GSDME: variants seen among roughly 807,000 people sequenced by gnomAD.
GSDME encodes gasdermin E.
In GSDME, 44 loss-of-function variants were observed where a neutral mutation model predicts 47.5. The observed-to-expected ratio is 0.93, with a 90% CI of 0.73 to 1.19. The LOEUF is 1.19. Ranked by LOEUF, GSDME falls within the 50% of genes most tolerant of loss-of-function variation. The pLI, the probability that GSDME is intolerant of heterozygous loss-of-function variation, is 0.00. For missense variants in GSDME, 663 were observed against 604.2 expected (o/e 1.10, Z -1.02); for synonymous variants, 258 against 252.8 (o/e 1.02, Z -0.20).
At chr7:24,702,621 A>T in intron 9 of GSDME, 139 bp downstream of exon 9, 1 of 726,034 alleles carries the variant, frequency 1.4e-6, no homozygotes, top group Non-Finnish European at 2.5e-6. Context: ...AAGTGGGGTT[A>T]ATAACAATAC....
At chr7:24,750,182 G>A (rs576858905) in intron 1 of GSDME, among the ~76,000 whole-genome samples, 8 of 152,326 alleles carry the variant, frequency 5.3e-5, no homozygotes, top group African/African-American at 1.7e-4. Context: ...TATCCAACAG[G>A]AAAGAGTTTT....
the GSDME span, among the ~76,000 whole-genome samples, chr7:24,778,031 G>A: frequency 1.3e-5 from 2 of 150,614 alleles, no homozygotes; most frequent in African/African-American, 2.5e-5. This position sits in a 1 kb window ranked among gnomAD's most constrained non-coding sequence, Gnocchi z 5.6. Context: ...CTAAAAGGCC[G>A]GGAATGAAAA....
At chr7:24,766,643 T>C in the GSDME span, among the ~76,000 whole-genome samples, 1 of 152,254 alleles carries the variant, frequency 6.6e-6, no homozygotes, top group African/African-American at 2.4e-5. The surrounding 1 kb of genome is among the most constrained non-coding windows in gnomAD (Gnocchi z 4.2). Context: ...TCACCCTTTT[T>C]TATGGCTACA....
chr7:24,708,326 CTT>C, intron 6 of GSDME, 72 bp from the exon 7 acceptor site: 1 of 1,554,790 alleles, frequency 6.4e-7, no homozygotes, highest in Non-Finnish European at 8.8e-7. Flanking sequence ...GCAACTCCTG[CTT>C]TTTATACCTA....
chr7:24,749,055 C>T lies in GSDME; in HGVS notation c.211+509G>A, dbSNP rs146083546. Among the ~76,000 whole-genome samples, 20 of 152,204 alleles carry T rather than the reference C, an allele frequency of 1.3e-4. No individual in the cohort carries two copies. The East Asian group carries it at 3.9e-3, about 29-fold the overall frequency. The stretch of plus-strand genomic sequence containing the variant: ...CATGTCTTACTTTTATACTATACCG[C>T]AAAATTATTTTTAAAAGGTTAAGCT... On this transcript the variant is annotated intron_variant, in intron 2 of 9. Coordinates refer to ENST00000645220, the MANE Select transcript of GSDME (RefSeq NM_001127453.2).
At chr7:24,792,345 T>C in the GSDME span, among the ~76,000 whole-genome samples, 10 of 152,182 alleles carry the variant, frequency 6.6e-5, no homozygotes, top group East Asian at 1.2e-3. Context: ...AAGCTGTATA[T>C]TGGGGGGCAA....
In GSDME at chr7:24,710,381, G is replaced by A; in HGVS notation, c.705C>T (p.Cys235=). 1.9e-6 allele frequency: 3 copies of A among 1,614,208 alleles called. No homozygotes were observed. The highest frequency in any genetic ancestry group is 1.3e-5 in the African/African-American group (1 of 75,056). The change falls in exon 6 of 10, where the codon TGC becomes TGT. Residue 235 remains cysteine, a synonymous_variant. Transcript: ENST00000645220. The part of the protein sequence containing the change: ...YVKLDGQFEF[C]LLRGKQGGFE... ...AGCCACCTTGCTTCCCTCGGAGAAGGCAGAACTCTGTAGTGCAGGAGAAAA... is the reference window on the plus strand; with the variant it reads ...AGCCACCTTGCTTCCCTCGGAGAAGACAGAACTCTGTAGTGCAGGAGAAAA...
At chr7:24,738,171 G>T (rs1790368364) in intron 3 of GSDME, among the ~76,000 whole-genome samples, 1 of 152,122 alleles carries the variant, frequency 6.6e-6, no homozygotes, top group Non-Finnish European at 1.5e-5. Context: ...AATTGGAAAG[G>T]AAGAAGTCAA....
chr7:24,791,234 TAC>T, the GSDME span, among the ~76,000 whole-genome samples: 2 of 152,224 alleles, frequency 1.3e-5, no homozygotes, highest in Non-Finnish European at 2.9e-5. This position sits in a 1 kb window ranked among gnomAD's most constrained non-coding sequence, Gnocchi z 4.8. Context: ...ATCCTTGATC[TAC>T]ACCTGATCAC....
upstream of GSDME, among the ~76,000 whole-genome samples, chr7:24,758,712 T>C (rs1456773347): frequency 6.6e-6 from 1 of 152,200 alleles, no homozygotes; most frequent in South Asian, 2.1e-4. This position sits in a 1 kb window ranked among gnomAD's most constrained non-coding sequence, Gnocchi z 4.6. Context: ...CTTTCCTGAC[T>C]ATCCAAATTA....
rs1254741648 is a variant in GSDME at position 24,721,672 on chromosome 7, C to A, written c.405-2454G>T. Among the ~76,000 whole-genome samples the A allele has an allele frequency of 6.6e-6, 1 of 152,228 alleles. No homozygotes were observed. The highest frequency in any genetic ancestry group is 1.5e-5 in the Non-Finnish European group (1 of 68,036). ...CCTTCCCGTGTCCCTCTATGAGGCT[C>A]ACAAAACAAAGCCACAGTGTGTGCC... On this transcript the variant is annotated intron_variant, in intron 3 of 9. Coordinates refer to ENST00000645220, the MANE Select transcript of GSDME (RefSeq NM_001127453.2). The surrounding 1 kb of genome is among the most constrained non-coding windows in gnomAD (Gnocchi z 4.1).
Position 24,749,690 on chromosome 7 carries a change from C to G in GSDME, c.85G>C (p.Asp29His). Residue 29 changes from aspartate (D) to histidine (H), a missense_variant, in exon 2 of 10, where the codon GAT (aspartate) becomes CAT (histidine). Coordinates refer to ENST00000645220, the MANE Select transcript of GSDME (RefSeq NM_001127453.2). ...ACCAGACTTAGAAGCTGTAACTTAT[C>G]AGAGTCATTCAGATTTGATACTGCA... ...LIAVSNLNDS[D>H]KLQLLSLVTK... is the part of the protein sequence containing the mutation. 1 of 1,614,090 alleles carries G rather than the reference C, an allele frequency of 6.2e-7. No homozygotes were observed.
At chr7:24,723,724 C>T (rs971711995) in intron 3 of GSDME, among the ~76,000 whole-genome samples, 3 of 152,232 alleles carry the variant, frequency 2.0e-5, no homozygotes, top group Admixed American at 1.3e-4. Context: ...TGCTGTCTCC[C>T]TCTTCTGGGT....
chr7:24,741,747 T>C (rs1790499320), intron 3 of GSDME, among the ~76,000 whole-genome samples: 1 of 152,154 alleles, frequency 6.6e-6, no homozygotes, highest in Admixed American at 6.5e-5. Flanking sequence ...AACAACGCCT[T>C]ATCAATCCCA....
At chr7:24,731,642 T>C (rs190484771) in intron 3 of GSDME, among the ~76,000 whole-genome samples, 8 of 152,342 alleles carry the variant, frequency 5.3e-5, no homozygotes, top group African/African-American at 1.7e-4. Context: ...TTGCAAGTGG[T>C]AACACTAACA....
chr7:24,717,276 G>A lies in GSDME; in HGVS notation c.675C>T (p.Tyr225=), dbSNP rs146686716. The change falls in exon 5 of 10, where the codon TAC becomes TAT. Residue 225 remains tyrosine, a synonymous_variant. Transcript: ENST00000645220. ...CACCGAACTGGCCGTCCAGTTTCAC[G>A]TATAACTCAATGACACCGTAGGCAA... ...TTIAYGVIEL[Y]VKLDGQFEFC... 26 of 1,612,998 alleles carry A rather than the reference G, an allele frequency of 1.6e-5. No homozygotes were observed. The highest frequency in any genetic ancestry group is 1.1e-4 in the South Asian group (10 of 90,720).
chr7:24,778,418 G>C, the GSDME span, among the ~76,000 whole-genome samples: 1 of 152,192 alleles, frequency 6.6e-6, no homozygotes, highest in Non-Finnish European at 1.5e-5. The surrounding 1 kb of genome is among the most constrained non-coding windows in gnomAD (Gnocchi z 5.6). Flanking sequence ...TTAAGAGACA[G>C]GCTAGTGTGA....
rs1584077529 is a variant in GSDME at position 24,724,189 on chromosome 7, G to C, written c.405-4971C>G. On this transcript the variant is annotated intron_variant, in intron 3 of 9. Transcript: ENST00000645220. This position sits in a 1 kb window ranked among gnomAD's most constrained non-coding sequence, Gnocchi z 4.8. ...TGCCCAGTTCCAAAAAAAAAAAAAA[G>C]TATTTTAAAAAAAGGCCTTCTGGAC... 6.9e-6 allele frequency among the ~76,000 whole-genome samples: 1 copy of C among 144,138 alleles called. No individual in the cohort carries two copies. The highest frequency in any genetic ancestry group is 2.6e-5 in the African/African-American group (1 of 38,662). 94.6% of individuals were successfully genotyped at this position (144,138 alleles called of 152,430 possible). A position where few individuals can be genotyped will look rare whatever the true frequency, so the allele number is the denominator to read the frequency against.
chr7:24,749,017 C>T (rs771750457), intron 2 of GSDME, among the ~76,000 whole-genome samples: 7 of 152,180 alleles, frequency 4.6e-5, no homozygotes, highest in Non-Finnish European at 8.8e-5. Context: ...GTGGCCACAA[C>T]ATGTACAGTA....
Sources: gnomAD v4.1 joint callset for allele counts (sites outside exome capture counted in the v4.1 genomes callset) on GRCh38, gnomAD v4.1.1 for gene constraint, Gnocchi (gnomAD v3.1) non-coding constraint, MANE v1.5 for transcripts, NCBI Gene and HGNC (gene_info 2026-07-23, HGNC 2026-07-21) for gene names.